MDFIC2: variants seen among roughly 807,000 people sequenced by gnomAD.
The protein encoded by MDFIC2 is myoD family inhibitor domain-containing protein 2.
intron 2 of MDFIC2, among the ~76,000 whole-genome samples, chr3:70,227,481 T>C (rs1050979609): frequency 6.6e-6 from 1 of 152,166 alleles, no homozygotes; most frequent in Non-Finnish European, 1.5e-5. Flanking sequence ...ATGGAGGTCA[T>C]TGGAGACTTT....
At chr3:70,274,847 T>G (rs182175330) in intron 2 of MDFIC2, among the ~76,000 whole-genome samples, 76 of 152,348 alleles carry the variant, frequency 5.0e-4, no homozygotes, top group Admixed American at 1.1e-3. Flanking sequence ...GCTAGTGATG[T>G]AACTAAAACC....
At chr3:70,291,249 T>G (rs928915349) in intron 2 of MDFIC2, 3 of 152,100 alleles carry the variant, frequency 2.0e-5, no homozygotes, top group Non-Finnish European at 4.4e-5. Context: ...CTCAGGTAAG[T>G]TACATTATCT....
intron 2 of MDFIC2, among the ~76,000 whole-genome samples, chr3:70,300,948 C>G (rs1488872284): frequency 6.6e-6 from 1 of 152,016 alleles, no homozygotes; most frequent in African/African-American, 2.4e-5. Context: ...GCAATTTTCT[C>G]CTCTTCTTTT....
chr3:70,290,724 T>C (rs1285593113), intron 2 of MDFIC2, among the ~76,000 whole-genome samples: 1 of 152,044 alleles, frequency 6.6e-6, no homozygotes, highest in Non-Finnish European at 1.5e-5. Flanking sequence ...TCCGTGGGCG[T>C]AGGACCCTCC....
At chr3:70,296,426 A>G (rs1702289328) in intron 2 of MDFIC2, among the ~76,000 whole-genome samples, 1 of 152,188 alleles carries the variant, frequency 6.6e-6, no homozygotes, top group African/African-American at 2.4e-5. Context: ...ACCAAAATTC[A>G]AGAAACACTG....
intron 2 of MDFIC2, among the ~76,000 whole-genome samples, chr3:70,273,071 C>T (rs979658535): frequency 2.6e-5 from 4 of 152,190 alleles, no homozygotes; most frequent in Admixed American, 2.6e-4. Flanking sequence ...AAGGGAAGTT[C>T]AGCCAGTGAC....
intron 2 of MDFIC2, among the ~76,000 whole-genome samples, chr3:70,296,088 C>T (rs903860030): frequency 1.3e-5 from 2 of 152,170 alleles, no homozygotes; most frequent in South Asian, 4.1e-4. Context: ...TCATTCAATG[C>T]AGCAGCAGTT....
At chr3:70,298,248 T>C (rs1001620738) in intron 2 of MDFIC2, among the ~76,000 whole-genome samples, 1 of 152,136 alleles carries the variant, frequency 6.6e-6, no homozygotes, top group Non-Finnish European at 1.5e-5. Context: ...TAGTTGATTC[T>C]GCCACTGGAG....
chr3:70,299,227 G>A (rs571597565), intron 2 of MDFIC2, among the ~76,000 whole-genome samples: 4 of 151,996 alleles, frequency 2.6e-5, no homozygotes, highest in African/African-American at 9.7e-5. Context: ...TATGTTTATT[G>A]CCCTAGAAAG....
At chr3:70,235,227 C>G (rs1221461894) in intron 2 of MDFIC2, among the ~76,000 whole-genome samples, 1 of 152,168 alleles carries the variant, frequency 6.6e-6, no homozygotes, top group Non-Finnish European at 1.5e-5. Context: ...CCGTCGTTCT[C>G]TTTCCTTGCA....
intron 2 of MDFIC2, among the ~76,000 whole-genome samples, chr3:70,260,818 C>T (rs1337650328): frequency 6.6e-6 from 1 of 152,094 alleles, no homozygotes; most frequent in African/African-American, 2.4e-5. Context: ...GGTTCCCAGA[C>T]ATCTGCCCAC....
At chr3:70,307,706 C>G (rs1046200966) in intron 2 of MDFIC2, among the ~76,000 whole-genome samples, 1 of 152,124 alleles carries the variant, frequency 6.6e-6, no homozygotes, top group Non-Finnish European at 1.5e-5. Flanking sequence ...ATTTTGCACA[C>G]CAGTTACATA....
In MDFIC2 at chr3:70,267,428, AGTCTCGCTCT is replaced by A. The variant is rs1701926439; in HGVS notation, c.88+44448_88+44457del. Among the ~76,000 whole-genome samples the A allele has an allele frequency of 7.4e-5, 7 of 94,756 alleles. No homozygotes were observed. The Admixed American group carries it at 1.2e-3, about 17-fold the overall frequency. 62.2% of individuals were successfully genotyped at this position (94,756 alleles called of 152,430 possible). A position where few individuals can be genotyped will look rare whatever the true frequency, so the allele number is the denominator to read the frequency against. On this transcript the variant is annotated intron_variant, in intron 2 of 3. Coordinates refer to ENST00000567252, the MANE Select transcript of MDFIC2 (RefSeq NM_001364677.1). Reference sequence around the variant, plus strand: ...TTTTTTTTTTTTTTTTTTGAGCGGGAGTCTCGCTCTGTCACCCAGGCTGGTGTGCAGTGGC... The same window carrying A: ...TTTTTTTTTTTTTTTTTTGAGCGGGAGTCACCCAGGCTGGTGTGCAGTGGC...
intron 2 of MDFIC2, among the ~76,000 whole-genome samples, chr3:70,278,793 A>G (rs1312963845): frequency 6.6e-6 from 1 of 152,106 alleles, no homozygotes; most frequent in African/African-American, 2.4e-5. Context: ...AAAGTCACTT[A>G]TGTTTCCTAT....
chr3:70,260,765 C>T (rs947003294), intron 2 of MDFIC2, among the ~76,000 whole-genome samples: 27 of 151,976 alleles, frequency 1.8e-4, no homozygotes, highest in Admixed American at 2.6e-4. Flanking sequence ...GAACTCACTT[C>T]TCAATTATTG....
chr3:70,197,031 A>G lies in MDFIC2; in HGVS notation c.465T>C (p.Asp155=), dbSNP rs1319669544. The change falls in exon 4 of 4, where the codon GAT becomes GAC. Residue 155 remains aspartate, a synonymous_variant. Transcript: ENST00000567252. ...AGTCCATGTCACAATTGCAGCTGCA[A>G]TCATTCCGAGAGTGGTTTTCATCCG... ...HTSDENHSRN[D]CSCNCDMDCS... is the part of the protein sequence containing the mutation. 4 of 398,462 alleles carry G rather than the reference A, an allele frequency of 1.0e-5. No homozygotes were observed. The highest frequency in any genetic ancestry group is 8.8e-5 in the Admixed American group (2 of 22,710). 24.7% of individuals were successfully genotyped at this position (398,462 alleles called of 1,614,324 possible). A position where few individuals can be genotyped will look rare whatever the true frequency, so the allele number is the denominator to read the frequency against.
At chr3:70,257,373 G>A (rs9818533) in intron 2 of MDFIC2, among the ~76,000 whole-genome samples, 1,750 of 152,268 alleles carry the variant, frequency 0.011, 36 homozygotes, top group African/African-American at 0.039. Context: ...AGGAATGTCA[G>A]TAGCCATCAT....
chr3:70,298,479 C>T (rs1702313132), intron 2 of MDFIC2, among the ~76,000 whole-genome samples: 1 of 152,106 alleles, frequency 6.6e-6, no homozygotes, highest in South Asian at 2.1e-4. Context: ...ACTTTTATCT[C>T]ATAAATATGA....
At chr3:70,230,769 G>T (rs1005471483) in intron 2 of MDFIC2, among the ~76,000 whole-genome samples, 2 of 152,172 alleles carry the variant, frequency 1.3e-5, no homozygotes, top group Non-Finnish European at 2.9e-5. Context: ...GAGTTTTAAA[G>T]GCAATGCTTC....
Sources: gnomAD v4.1 joint callset for allele counts (sites outside exome capture counted in the v4.1 genomes callset) on GRCh38, gnomAD v4.1.1 for gene constraint, MANE v1.5 for transcripts, NCBI Gene and HGNC (gene_info 2026-07-23, HGNC 2026-07-21) for gene names.